Variants in STARD13 observed in about 807,000 individuals in gnomAD.
STARD13 encodes stAR-related lipid transfer protein 13.
STARD13 carries 62 observed loss-of-function variants against 106.4 expected under a neutral mutation model. The observed-to-expected ratio is 0.58, with a 90% CI of 0.48 to 0.72. STARD13 has a LOEUF of 0.72. STARD13 is among the 30% of genes least tolerant of loss of function. The probability of loss-of-function intolerance (pLI) is 0.00; values close to 1 mark genes in which losing one functional copy is unlikely to be tolerated. For synonymous variants in STARD13, 565 were observed against 553.0 expected (o/e 1.02, Z -0.31); for missense variants, 1,387 against 1,424.0 (o/e 0.97, Z 0.42).
chr13:33,344,923 C>T (rs2078002304), downstream of STARD13, among the ~76,000 whole-genome samples: 1 of 152,162 alleles, frequency 6.6e-6, no homozygotes, highest in East Asian at 1.9e-4. Context: ...TTTGAATGTT[C>T]TTAGACTTTA....
chr13:33,520,827 C>T, the STARD13 span, among the ~76,000 whole-genome samples: 5 of 152,186 alleles, frequency 3.3e-5, no homozygotes, highest in East Asian at 9.7e-4. Flanking sequence ...TGGGGCTTCT[C>T]TTCTCCCATA....
downstream of STARD13, among the ~76,000 whole-genome samples, chr13:33,343,863 A>T (rs1380734340): frequency 6.6e-6 from 1 of 152,004 alleles, no homozygotes; most frequent in Non-Finnish European, 1.5e-5. Context: ...GCCTAACTTT[A>T]TCTTATAACC....
chr13:33,378,177 C>A, the STARD13 span, among the ~76,000 whole-genome samples: 1 of 152,130 alleles, frequency 6.6e-6, no homozygotes, highest in Admixed American at 6.6e-5. Context: ...AAACTTAAAA[C>A]TGGCAAAGCA....
chr13:33,378,042 A>G, the STARD13 span, among the ~76,000 whole-genome samples: 1 of 152,112 alleles, frequency 6.6e-6, no homozygotes, highest in East Asian at 1.9e-4. Context: ...ATTAGTTACT[A>G]TTTGTCCAGT....
chr13:33,605,238 C>CAA, the STARD13 span, among the ~76,000 whole-genome samples: 119 of 84,762 alleles, frequency 1.4e-3, no homozygotes, highest in South Asian at 8.2e-3. Flanking sequence ...GATCCTGTCT[C>CAA]AAAAAAAAAA....
chr13:33,573,173 G>A, the STARD13 span, among the ~76,000 whole-genome samples: 2 of 152,074 alleles, frequency 1.3e-5, no homozygotes, highest in East Asian at 1.9e-4. Flanking sequence ...CTACGGAGAT[G>A]TCTAGATAAT....
the STARD13 span, among the ~76,000 whole-genome samples, chr13:33,444,659 T>C: frequency 2.6e-5 from 4 of 152,036 alleles, no homozygotes; most frequent in African/African-American, 4.8e-5. Flanking sequence ...TCCCAGCCAC[T>C]AGAGAGACTG....
At chr13:33,122,640 T>G (rs897236064) in intron 7 of STARD13, among the ~76,000 whole-genome samples, 1 of 152,170 alleles carries the variant, frequency 6.6e-6, no homozygotes, top group Non-Finnish European at 1.5e-5. Context: ...TTTATAAGCA[T>G]CTCTCTTGTA....
chr13:33,516,163 A>C, the STARD13 span, among the ~76,000 whole-genome samples: 1 of 147,842 alleles, frequency 6.8e-6, no homozygotes, highest in Non-Finnish European at 1.5e-5. Context: ...ATAATATATA[A>C]TGTATATATA....
chr13:33,361,898 A>T, the STARD13 span, among the ~76,000 whole-genome samples: 3 of 152,212 alleles, frequency 2.0e-5, no homozygotes, highest in African/African-American at 7.2e-5. Context: ...AAACTATATC[A>T]AAGGGTCAAC....
At chr13:33,310,815 A>C (rs2138498240) in intron 1 of STARD13, among the ~76,000 whole-genome samples, 1 of 152,206 alleles carries the variant, frequency 6.6e-6, no homozygotes, top group East Asian at 1.9e-4. Context: ...CGAGCATCAC[A>C]GTTTGCAAAC....
the STARD13 span, among the ~76,000 whole-genome samples, chr13:33,550,286 C>T: frequency 6.6e-6 from 1 of 152,142 alleles, no homozygotes; most frequent in Non-Finnish European, 1.5e-5. Context: ...TAATAATTTA[C>T]TGGAAAGAAA....
At chr13:33,371,124 C>T in the STARD13 span, among the ~76,000 whole-genome samples, 44 of 152,314 alleles carry the variant, frequency 2.9e-4, no homozygotes, top group South Asian at 8.3e-4. Flanking sequence ...GTCAATGCTT[C>T]TACCATCTGA....
intron 4 of STARD13, among the ~76,000 whole-genome samples, chr13:33,131,991 A>T (rs1015561606): frequency 1.3e-5 from 2 of 152,220 alleles, no homozygotes; most frequent in Non-Finnish European, 2.9e-5. Context: ...CGTCCACTTT[A>T]ACTCCCTTTA....
rs769202501 is a variant in STARD13 at position 33,105,548 on chromosome 13, C to T, written c.*45G>A. On this transcript the variant is annotated 3_prime_UTR_variant, in exon 14 of 14. Transcript: ENST00000336934. ...TGCACACTCTCTGCCACACTCGTCA[C>T]TTTAGCTTCCTCTTCCCTGAGTTTG... The T allele has an allele frequency of 6.5e-6, 9 of 1,387,650 alleles. No homozygotes were observed. Among genetic ancestry groups the T allele is most frequent in the South Asian group, 1.2e-5 (1 of 86,462 alleles). The allele number at this position is 1,387,650 out of a possible 1,614,324, so 86.0% of individuals were successfully genotyped here.
intron 3 of STARD13, chr13:33,158,543 A>AATGTATGTATTTG (rs1882247934): frequency 6.6e-6 from 1 of 152,252 alleles, no homozygotes; most frequent in Non-Finnish European, 1.5e-5. Flanking sequence ...CAGCATTTCA[A>AATGTATGTATTTG]ATACATACAT....
intron 1 of STARD13, among the ~76,000 whole-genome samples, chr13:33,177,899 G>T (rs1450254958): frequency 0.022 from 175 of 8,070 alleles, 48 homozygotes; most frequent in African/African-American, 0.12. Flanking sequence ...AGGAAGGAAG[G>T]AAGGAAGGAA....
chr13:33,603,439 A>C, the STARD13 span, among the ~76,000 whole-genome samples: 1 of 152,210 alleles, frequency 6.6e-6, no homozygotes, highest in Non-Finnish European at 1.5e-5. Context: ...CCTAACATAC[A>C]TAACGCTGGG....
the STARD13 span, among the ~76,000 whole-genome samples, chr13:33,384,790 C>T: frequency 6.6e-6 from 1 of 152,048 alleles, no homozygotes; most frequent in African/African-American, 2.4e-5. Flanking sequence ...CCCACCTCTA[C>T]CCTCAAAAAA....
Sources: gnomAD v4.1 joint callset for allele counts (sites outside exome capture counted in the v4.1 genomes callset) on GRCh38, gnomAD v4.1.1 for gene constraint, MANE v1.5 for transcripts, NCBI Gene and HGNC (gene_info 2026-07-23, HGNC 2026-07-21) for gene names.